Variants in PCSK5 observed in about 807,000 individuals in gnomAD.
PCSK5 encodes the protein proprotein convertase subtilisin/kexin type 5.
PCSK5 carries 129 observed loss-of-function variants against 233.2 expected under a neutral mutation model. The observed-to-expected ratio is 0.55, with a 90% CI of 0.48 to 0.64. The LOEUF (loss-of-function observed/expected upper bound fraction) is 0.64, where lower values mean the gene tolerates loss of function less well. Ranked by LOEUF, PCSK5 falls within the 30% of genes least tolerant of loss-of-function variation. The probability of loss-of-function intolerance (pLI) is 0.00; values close to 1 mark genes in which losing one functional copy is unlikely to be tolerated. For synonymous variants in PCSK5, 825 were observed against 879.2 expected (o/e 0.94, Z 1.09); for missense variants, 2,076 against 2,430.1 (o/e 0.85, Z 3.06).
intron 15 of PCSK5, among the ~76,000 whole-genome samples, chr9:76,180,003 C>CT (rs112435943): frequency 0.77 from 104,800 of 135,954 alleles, 40,204 homozygotes; most frequent in South Asian, 0.87. Context: ...CCAGACCTTT[C>CT]TTTTTTTTTT....
At chr9:75,925,768 A>G (rs1823458636) in intron 1 of PCSK5, among the ~76,000 whole-genome samples, 1 of 152,226 alleles carries the variant, frequency 6.6e-6, no homozygotes, top group Non-Finnish European at 1.5e-5. Context: ...CCTCCTCCTT[A>G]TGGATTCTCC....
At chr9:76,046,902 A>C (rs1320061633) in intron 5 of PCSK5, among the ~76,000 whole-genome samples, 1 of 152,024 alleles carries the variant, frequency 6.6e-6, no homozygotes, top group Non-Finnish European at 1.5e-5. Context: ...CTGTGAACAC[A>C]CTTCTTCTCT....
At chr9:76,327,872 C>T in intron 32 of PCSK5, 137 bp from the exon 33 acceptor site, 1 of 698,758 alleles carries the variant, frequency 1.4e-6, no homozygotes, top group Admixed American at 2.0e-5. Context: ...CATGGCCCCA[C>T]ACCATTGGCC....
chr9:76,235,908 T>C lies in PCSK5; in HGVS notation c.2866+2312T>C, dbSNP rs138399369. Among the ~76,000 whole-genome samples, 899 of 152,358 alleles carry C rather than the reference T, an allele frequency of 5.9e-3. 4 individuals are homozygous for C. Among genetic ancestry groups the C allele is most frequent in the Non-Finnish European group, 8.6e-3 (583 of 68,026 alleles). On this transcript the variant is annotated intron_variant, in intron 22 of 37. Transcript: ENST00000674117. ...ATGACTTAATTGAAGAAGTTCCATATCCATAAATGGAAGCTTTAATAAAAG... is the reference window on the plus strand; with the variant it reads ...ATGACTTAATTGAAGAAGTTCCATACCCATAAATGGAAGCTTTAATAAAAG...
intron 24 of PCSK5, among the ~76,000 whole-genome samples, chr9:76,252,395 A>G (rs1287538106): frequency 1.3e-5 from 2 of 152,230 alleles, no homozygotes; most frequent in Non-Finnish European, 2.9e-5. Context: ...GCCCAATGAC[A>G]TAACTGACTC....
At chr9:76,041,808 C>G (rs1829130919) in intron 5 of PCSK5, among the ~76,000 whole-genome samples, 1 of 147,758 alleles carries the variant, frequency 6.8e-6, no homozygotes. Context: ...CATTACACCC[C>G]AGTCTGGGTG....
At chr9:76,333,680 C>T (rs1011837107) in intron 34 of PCSK5, among the ~76,000 whole-genome samples, 1 of 152,170 alleles carries the variant, frequency 6.6e-6, no homozygotes, top group Non-Finnish European at 1.5e-5. Flanking sequence ...TCTACCCAAT[C>T]AATAACCTAG....
intron 7 of PCSK5, among the ~76,000 whole-genome samples, chr9:76,087,251 G>A (rs1831101636): frequency 6.6e-6 from 1 of 152,228 alleles, no homozygotes; most frequent in South Asian, 2.1e-4. Context: ...ATTCTACTAA[G>A]CCTTTTGTGA....
chr9:76,124,360 A>G (rs537880004), intron 9 of PCSK5, among the ~76,000 whole-genome samples: 1 of 152,322 alleles, frequency 6.6e-6, no homozygotes, highest in African/African-American at 2.4e-5. Flanking sequence ...TTTAGTCCTC[A>G]GAGCAAGGTA....
intron 3 of PCSK5, among the ~76,000 whole-genome samples, chr9:76,013,153 G>A (rs1176803324): frequency 6.6e-6 from 1 of 152,116 alleles, no homozygotes; most frequent in African/African-American, 2.4e-5. Context: ...GTAATTAGGG[G>A]ACCACTGTTA....
At chr9:76,177,274 C>T (rs1823655489) in intron 14 of PCSK5, among the ~76,000 whole-genome samples, 1 of 151,014 alleles carries the variant, frequency 6.6e-6, no homozygotes, top group Non-Finnish European at 1.5e-5. Context: ...AGCCTGGGAA[C>T]AGAGTGAGAC....
chr9:76,027,749 A>G lies in PCSK5; in HGVS notation c.632+712A>G, dbSNP rs374096302. Among the ~76,000 whole-genome samples, 247 of 152,268 alleles carry G rather than the reference A, an allele frequency of 1.6e-3. 5 individuals carry two copies. The South Asian group carries it at 0.039, about 24-fold the overall frequency. Reference sequence around the variant, plus strand: ...TACATAATGACCCAGATTCCTTACAATATTAGTAGACATTTCTAATCTCTA... The same window carrying G: ...TACATAATGACCCAGATTCCTTACAGTATTAGTAGACATTTCTAATCTCTA... On this transcript the variant is annotated intron_variant, in intron 5 of 37. Transcript: ENST00000674117.
At position 76,136,654 on chromosome 9, in the gene PCSK5, C is replaced by A. The variant is rs533554343; in HGVS notation, c.1312+2442C>A. On this transcript the variant is annotated intron_variant, in intron 10 of 37. Transcript: ENST00000674117. ...TATATGTATGAAATGAATCTGAAAA[C>A]TCCTGTTCTTCCTTGGGCTTACTTT... Among the ~76,000 whole-genome samples the A allele has an allele frequency of 4.6e-5, 7 of 152,112 alleles. No individual in the cohort carries two copies. In the South Asian group the frequency reaches 1.4e-3, roughly 32 times the overall value.
At chr9:76,132,412 T>G (rs1179474066) in intron 9 of PCSK5, among the ~76,000 whole-genome samples, 1 of 152,088 alleles carries the variant, frequency 6.6e-6, no homozygotes, top group Non-Finnish European at 1.5e-5. Context: ...TTTTAAAGTT[T>G]ATGTAGTTGG....
intron 24 of PCSK5, among the ~76,000 whole-genome samples, chr9:76,259,866 C>T (rs1827111935): frequency 6.6e-6 from 1 of 152,096 alleles, no homozygotes; most frequent in Non-Finnish European, 1.5e-5. Context: ...CTATGGGTCT[C>T]CCTCCCTCAT....
intron 5 of PCSK5, among the ~76,000 whole-genome samples, chr9:76,039,215 G>A (rs1360025413): frequency 1.3e-5 from 2 of 152,056 alleles, no homozygotes; most frequent in African/African-American, 4.8e-5. Flanking sequence ...GTTAGAATCC[G>A]CACTGTAAAA....
At chr9:75,905,716 C>T (rs1460315734) in intron 1 of PCSK5, among the ~76,000 whole-genome samples, 5 of 152,126 alleles carry the variant, frequency 3.3e-5, no homozygotes, top group Admixed American at 3.3e-4. Flanking sequence ...TCAGTGGGGC[C>T]GGTAGACTCT....
chr9:76,139,180 A>C (rs1180658778), intron 10 of PCSK5, among the ~76,000 whole-genome samples: 1 of 152,134 alleles, frequency 6.6e-6, no homozygotes, highest in African/African-American at 2.4e-5. Flanking sequence ...TGTAACACTT[A>C]TTAAAAAGAA....
At chr9:76,204,164 C>T (rs1210624640) in intron 20 of PCSK5, among the ~76,000 whole-genome samples, 1 of 152,150 alleles carries the variant, frequency 6.6e-6, no homozygotes, top group African/African-American at 2.4e-5. Flanking sequence ...GTTAATTTAC[C>T]TCTTGAGTTT....
Sources: allele counts gnomAD v4.1 joint callset (sites outside exome capture counted in the v4.1 genomes callset), GRCh38; gene constraint gnomAD v4.1.1; transcripts MANE v1.5; gene names NCBI Gene and HGNC (gene_info 2026-07-23, HGNC 2026-07-21).